RIMBP2: variants seen among roughly 807,000 people sequenced by gnomAD.
RIMBP2 encodes RIMS binding protein 2.
A neutral mutation model predicts 118.6 loss-of-function variants in RIMBP2; 48 were observed. The observed-to-expected ratio is 0.40, with a 90% CI of 0.32 to 0.51. RIMBP2 has a LOEUF of 0.51. Among genes scored for constraint, RIMBP2 ranks in the 20% least tolerant of loss-of-function variants. The probability of loss-of-function intolerance (pLI) is 0.41; values close to 1 mark genes in which losing one functional copy is unlikely to be tolerated. For missense variants in RIMBP2, 1,551 were observed against 1,768.3 expected (o/e 0.88, Z 2.20); for synonymous variants, 762 against 742.9 (o/e 1.03, Z -0.42).
chr12:130,697,275 G>A (rs11061093), intron 1 of RIMBP2, among the ~76,000 whole-genome samples: 18,686 of 152,206 alleles, frequency 0.12, 2,300 homozygotes, highest in African/African-American at 0.32. Context: ...TAATCCCAGT[G>A]CTCTGGGAGG....
Position 130,506,707 on chromosome 12 carries a change from C to A in RIMBP2, c.-63G>T. ...TGGAGCTGGTGTTTCTCCTTCACGG[C>A]CAAATCGCGCTCTCTGGTCACGAGG... On this transcript the variant is annotated 5_prime_UTR_variant, in exon 4 of 23. Coordinates refer to ENST00000690449, the MANE Select transcript of RIMBP2 (RefSeq NM_001393629.1). 1.0e-6 allele frequency: 1 copy of A among 985,738 alleles called. No individual in the cohort carries two copies. Among genetic ancestry groups the A allele is most frequent in the Non-Finnish European group, 1.2e-6 (1 of 829,942 alleles). The allele number at this position is 985,738 out of a possible 1,614,324, so 61.1% of individuals were successfully genotyped here. A position where few individuals can be genotyped will look rare whatever the true frequency, so the allele number is the denominator to read the frequency against.
chr12:130,408,975 GTGCACATGTGTCCTCTGCAGGACC>G lies in RIMBP2; in HGVS notation c.3590-1170_3590-1147del, dbSNP rs139407716. ...GTTTACAGGACGCACACACGCCTCTGTGCACATGTGTCCTCTGCAGGACCTGCACATGTGTGTCTCCTCCAGAGG... is the reference window on the plus strand; with the variant it reads ...GTTTACAGGACGCACACACGCCTCTGTGCACATGTGTGTCTCCTCCAGAGG... On this transcript the variant is annotated intron_variant, in intron 19 of 22. Transcript: ENST00000690449. Among the ~76,000 whole-genome samples the G allele has an allele frequency of 8.9e-3, 1,360 of 152,290 alleles. 6 individuals carry two copies. Among genetic ancestry groups the G allele is most frequent in the Non-Finnish European group, 0.014 (940 of 68,028 alleles).
rs995854881 is a variant in RIMBP2 at position 130,517,811 on chromosome 12, A to T, written c.-127+17T>A. ...CTCCAGGGCCCCAGATGGTCTGTGG[A>T]CAGTGGTATCAGCTACCTTGTCATG... On this transcript the variant is annotated intron_variant, in intron 3 of 22. Transcript: ENST00000690449. 2.0e-6 allele frequency: 2 copies of T among 975,610 alleles called. No individual in the cohort carries two copies. Among genetic ancestry groups the T allele is most frequent in the African/African-American group, 3.5e-5 (2 of 56,988 alleles). 60.4% of individuals were successfully genotyped at this position (975,610 alleles called of 1,614,324 possible).
rs79375897 is a variant in RIMBP2, at chr12:130,498,810, G to A, written c.-4+7838C>T. Among the ~76,000 whole-genome samples, 1,376 of 152,268 alleles carry A rather than the reference G, an allele frequency of 9.0e-3. 20 individuals are homozygous for A. The highest frequency in any genetic ancestry group is 0.057 in the East Asian group (293 of 5,168). On this transcript the variant is annotated intron_variant, in intron 4 of 22. Coordinates refer to ENST00000690449, the MANE Select transcript of RIMBP2 (RefSeq NM_001393629.1). ...GATTGCAACTTCAGTTGCCATCTGA[G>A]CGTAACTACCCAAGTGGAGGCCCCA...
chr12:130,581,947 T>C lies in RIMBP2; in HGVS notation c.-217+46375A>G, dbSNP rs900286278. Among the ~76,000 whole-genome samples, 2 of 152,056 alleles carry C rather than the reference T, an allele frequency of 1.3e-5. No individual in the cohort carries two copies. The highest frequency in any genetic ancestry group is 2.4e-5 in the African/African-American group (1 of 41,400). On this transcript the variant is annotated intron_variant, in intron 2 of 22. Coordinates refer to ENST00000690449, the MANE Select transcript of RIMBP2 (RefSeq NM_001393629.1). The surrounding 1 kb of genome is among the most constrained non-coding windows in gnomAD (Gnocchi z 4.4). Reference sequence around the variant, plus strand: ...GGCCTCTCCTCCCTCCCTGGCTCAGTCACTCTCACTTCACCACCACCACCA... The same window carrying C: ...GGCCTCTCCTCCCTCCCTGGCTCAGCCACTCTCACTTCACCACCACCACCA...
chr12:130,456,509 G>C lies in RIMBP2; in HGVS notation c.345C>G (p.Thr115=), dbSNP rs1401183020. Residue 115 remains threonine, a synonymous_variant, in exon 7 of 23, where the codon ACC becomes ACG. Coordinates refer to ENST00000690449, the MANE Select transcript of RIMBP2 (RefSeq NM_001393629.1). ...PFPQFMNGLA[T]SLGKGQESAI... is the part of the protein sequence containing the mutation. ...CCAGGCGCTTACCTTTGCCGAGGGA[G>C]GTGGCTAGGCCATTCATGAACTGTG... 2 of 1,589,852 alleles carry C rather than the reference G, an allele frequency of 1.3e-6. No homozygotes were observed. The highest frequency in any genetic ancestry group is 3.4e-5 in the Admixed American group (2 of 58,712).
In RIMBP2 at chr12:130,576,903, G is replaced by A. The variant is rs2058125244; in HGVS notation, c.-217+51419C>T. ...GACCGACAGTGTGGCAGGAGTCGCG[G>A]GGTGGAACAGGAACTTCTGGACAGA... On this transcript the variant is annotated intron_variant, in intron 2 of 22. Transcript: ENST00000690449. This position sits in a 1 kb window ranked among gnomAD's most constrained non-coding sequence, Gnocchi z 4.2. Among the ~76,000 whole-genome samples the A allele has an allele frequency of 6.6e-6, 1 of 152,202 alleles. No individual in the cohort carries two copies. Among genetic ancestry groups the A allele is most frequent in the Admixed American group, 6.5e-5 (1 of 15,278 alleles).
intron 14 of RIMBP2, among the ~76,000 whole-genome samples, chr12:130,433,340 C>A (rs1445752064): frequency 6.6e-6 from 1 of 152,216 alleles, no homozygotes; most frequent in Non-Finnish European, 1.5e-5. Flanking sequence ...GATATGTCTA[C>A]TCACTGCATG....
chr12:130,557,374 C>T (rs142095174), intron 2 of RIMBP2, among the ~76,000 whole-genome samples: 1 of 152,300 alleles, frequency 6.6e-6, no homozygotes, highest in East Asian at 1.9e-4. Context: ...TCCAGCAGCC[C>T]AAGAAACTCA....
At chr12:130,502,448 T>C (rs2138708564) in intron 4 of RIMBP2, among the ~76,000 whole-genome samples, 1 of 152,222 alleles carries the variant, frequency 6.6e-6, no homozygotes, top group East Asian at 1.9e-4. Context: ...CCATTCACTG[T>C]CCGGCCCACT....
chr12:130,520,558 G>C (rs1195588056), intron 2 of RIMBP2, among the ~76,000 whole-genome samples: 5 of 151,570 alleles, frequency 3.3e-5, no homozygotes, highest in African/African-American at 9.7e-5. Flanking sequence ...TGTAATCCCA[G>C]CTACTCAGGA....
intron 1 of RIMBP2, among the ~76,000 whole-genome samples, chr12:130,636,132 G>T (rs1437586890): frequency 6.6e-6 from 1 of 152,024 alleles, no homozygotes; most frequent in Admixed American, 6.5e-5. Context: ...GGCCTCTCTC[G>T]GCCAGACCTC....
chr12:130,536,103 A>G (rs1255047548), intron 2 of RIMBP2, among the ~76,000 whole-genome samples: 2 of 152,052 alleles, frequency 1.3e-5, no homozygotes, highest in African/African-American at 2.4e-5. Context: ...CATTATTTTT[A>G]TTCCCCATTT....
intron 5 of RIMBP2, among the ~76,000 whole-genome samples, chr12:130,476,781 G>A (rs4759695): frequency 0.92 from 140,546 of 152,234 alleles, 65,897 homozygotes; most frequent in East Asian, 1. Flanking sequence ...TGACTTGTTC[G>A]TCTTCCTTTT....
At chr12:130,436,092 C>T (rs1304684530) in intron 13 of RIMBP2, among the ~76,000 whole-genome samples, 2 of 152,334 alleles carry the variant, frequency 1.3e-5, no homozygotes, top group East Asian at 1.9e-4. Context: ...GAGATGAGAG[C>T]GGGTTCTGGG....
At chr12:130,478,860 C>A in intron 5 of RIMBP2, 52 bp downstream of exon 5, 1 of 1,375,278 alleles carries the variant, frequency 7.3e-7, no homozygotes, top group Non-Finnish European at 1.0e-6. Flanking sequence ...GATCCCCGGC[C>A]CACCCGTGGA....
chr12:130,439,278 ATTGTGTGTGTAT>A (rs2077823045), intron 11 of RIMBP2, among the ~76,000 whole-genome samples: 1 of 151,672 alleles, frequency 6.6e-6, no homozygotes, highest in South Asian at 2.1e-4. Context: ...GTGTATGTAC[ATTGTGTGTGTAT>A]ATGTGGGTGT....
At chr12:130,555,004 T>G (rs963548589) in intron 2 of RIMBP2, among the ~76,000 whole-genome samples, 11 of 152,244 alleles carry the variant, frequency 7.2e-5, no homozygotes, top group Admixed American at 7.2e-4. Context: ...TCTAAACATT[T>G]TATAAACACT....
At chr12:130,473,684 C>T (rs1232820540) in intron 5 of RIMBP2, among the ~76,000 whole-genome samples, 4 of 152,194 alleles carry the variant, frequency 2.6e-5, no homozygotes, top group African/African-American at 9.6e-5. Context: ...ACCTTCAAAA[C>T]AGGAGTTCCG....
Sources: allele counts gnomAD v4.1 joint callset (sites outside exome capture counted in the v4.1 genomes callset), GRCh38; gene constraint gnomAD v4.1.1; non-coding constraint Gnocchi (gnomAD v3.1); transcripts MANE v1.5; gene names NCBI Gene and HGNC (gene_info 2026-07-23, HGNC 2026-07-21).